ARHGAP6: variants seen among roughly 807,000 people sequenced by gnomAD.
The protein encoded by ARHGAP6 is Rho GTPase activating protein 6, also known as rho GTPase-activating protein 6.
In ARHGAP6, 16 loss-of-function variants were observed where a neutral mutation model predicts 55.7. The ratio of observed to expected loss-of-function variants is 0.29; its 90% CI spans 0.19 to 0.44. The LOEUF (loss-of-function observed/expected upper bound fraction) is 0.44. ARHGAP6 is among the 20% of genes least tolerant of loss of function. The pLI is 1.00. For synonymous variants in ARHGAP6, 382 were observed against 360.9 expected, an observed-to-expected ratio of 1.06 and a Z score of -0.66; for missense variants, 698 against 808.9, an observed-to-expected ratio of 0.86 and a Z score of 1.66.
chrX:11,404,927 T>A, intron 1 of ARHGAP6, among the ~76,000 whole-genome samples: 1 of 112,081 alleles, frequency 8.9e-6, no homozygotes, highest in Non-Finnish European at 1.9e-5. Context: ...CTTATAAGCA[T>A]AATTATAGGT....
intron 1 of ARHGAP6, among the ~76,000 whole-genome samples, chrX:11,381,218 G>A (rs1242741398): frequency 8.9e-6 from 1 of 112,522 alleles, no homozygotes; most frequent in African/African-American, 3.2e-5. Context: ...ACCTAGAAGG[G>A]TAAGTTTCCG....
At chrX:11,482,303 G>C in intron 1 of ARHGAP6, among the ~76,000 whole-genome samples, 1 of 112,236 alleles carries the variant, frequency 8.9e-6, no homozygotes, top group South Asian at 3.7e-4. Flanking sequence ...AAAGAGGAAT[G>C]GCACTAGAAG....
At chrX:11,607,722 T>C (rs1046976131) in intron 1 of ARHGAP6, among the ~76,000 whole-genome samples, 1 of 112,476 alleles carries the variant, frequency 8.9e-6, no homozygotes, top group East Asian at 2.8e-4. Flanking sequence ...AGTTATGCCA[T>C]GTATAAAAGT....
intron 1 of ARHGAP6, among the ~76,000 whole-genome samples, chrX:11,612,876 A>T (rs747332710): frequency 5.3e-5 from 6 of 112,519 alleles, no homozygotes; most frequent in Non-Finnish European, 1.1e-4. Context: ...CTCTTAAGTT[A>T]TCACTCCTTG....
chrX:11,487,727 G>C (rs780328462), intron 1 of ARHGAP6, among the ~76,000 whole-genome samples: 1 of 111,683 alleles, frequency 9.0e-6, no homozygotes, highest in African/African-American at 3.2e-5. Context: ...ATAAATGAAA[G>C]TAAAGGATTC....
At chrX:11,213,450 CAT>C (rs1230751628) in intron 2 of ARHGAP6, among the ~76,000 whole-genome samples, 3 of 112,446 alleles carry the variant, frequency 2.7e-5, no homozygotes, top group African/African-American at 3.2e-5. Context: ...CACCAGAACT[CAT>C]ATGTTTATCA....
intron 1 of ARHGAP6, among the ~76,000 whole-genome samples, chrX:11,571,709 A>AAATAATAATAATAAT (rs565943916): frequency 0.033 from 3,175 of 95,719 alleles, 52 homozygotes; most frequent in African/African-American, 0.038. Flanking sequence ...CTTGTATATT[A>AAATAATAATAATAAT]AATAATAATA....
At chrX:11,555,783 T>G (rs1206186152) in intron 1 of ARHGAP6, among the ~76,000 whole-genome samples, 1 of 110,524 alleles carries the variant, frequency 9.0e-6, no homozygotes, top group Non-Finnish European at 1.9e-5. Flanking sequence ...ACAGTGATAT[T>G]TGGGGGAAAG....
chrX:11,598,859 C>A (rs1225999510), intron 1 of ARHGAP6, among the ~76,000 whole-genome samples: 1 of 111,176 alleles, frequency 9.0e-6, no homozygotes. Context: ...GAGTTTGAGA[C>A]CAGTCTGGGC....
chrX:11,408,304 A>G (rs1310808324), intron 1 of ARHGAP6, among the ~76,000 whole-genome samples: 1 of 111,135 alleles, frequency 9.0e-6, no homozygotes, highest in African/African-American at 3.3e-5. Context: ...CAATGCATAC[A>G]GTGTGGCAAA....
chrX:11,245,900 G>A (rs915322399), intron 2 of ARHGAP6, among the ~76,000 whole-genome samples: 1 of 111,800 alleles, frequency 8.9e-6, no homozygotes, highest in African/African-American at 3.2e-5. Context: ...AAACTAAATG[G>A]ATTTCTTCTT....
At chrX:11,608,031 T>C (rs2052056156) in intron 1 of ARHGAP6, among the ~76,000 whole-genome samples, 1 of 112,514 alleles carries the variant, frequency 8.9e-6, no homozygotes, top group Non-Finnish European at 1.9e-5. Flanking sequence ...AAGAATGTTT[T>C]GTCCTTACTG....
chrX:11,206,431 AT>A (rs1052930023), intron 2 of ARHGAP6, among the ~76,000 whole-genome samples: 1 of 111,572 alleles, frequency 9.0e-6, no homozygotes, highest in African/African-American at 3.3e-5. Flanking sequence ...CAGTTTTTAA[AT>A]TACATTTCTT....
chrX:11,608,297 A>G (rs1277377063), intron 1 of ARHGAP6, among the ~76,000 whole-genome samples: 1 of 112,124 alleles, frequency 8.9e-6, no homozygotes, highest in Non-Finnish European at 1.9e-5. Flanking sequence ...TTAGTGTTCA[A>G]AATATAAAAA....
intron 3 of ARHGAP6, among the ~76,000 whole-genome samples, chrX:11,189,337 T>G (rs1248620927): frequency 8.9e-6 from 1 of 111,972 alleles, no homozygotes; most frequent in South Asian, 3.7e-4. Flanking sequence ...TCCTTTCTCC[T>G]GAGGTGTTCA....
chrX:11,624,764 G>T lies in ARHGAP6; in HGVS notation c.588+39477C>A, dbSNP rs747604751. ...GACGGGGTTTCACCGCGTTAGCCAG[G>T]ATGGTCTCGATCTCCTGACCTCGTG... On this transcript the variant is annotated intron_variant, in intron 1 of 12. Coordinates refer to ENST00000337414, the MANE Select transcript of ARHGAP6 (RefSeq NM_013427.3). 5.1e-3 allele frequency among the ~76,000 whole-genome samples: 570 copies of T among 110,983 alleles called. 1 individual carries two copies. The highest frequency in any genetic ancestry group is 9.2e-3 in the Non-Finnish European group (484 of 52,866).
At chrX:11,416,893 A>G (rs2049754366) in intron 1 of ARHGAP6, among the ~76,000 whole-genome samples, 1 of 107,822 alleles carries the variant, frequency 9.3e-6, no homozygotes, top group African/African-American at 3.4e-5. Flanking sequence ...TAGAACAGCC[A>G]TGCAAAGAGG....
In ARHGAP6 at chrX:11,447,511, T is replaced by C. The variant is rs781501394; in HGVS notation, c.589-192804A>G. On this transcript the variant is annotated intron_variant, in intron 1 of 12. Transcript: ENST00000337414. ...TTGGAACACAGCCACAACTCATTCA[T>C]GTATTGTATGTTTGCTTTAAGGTTA... Among the ~76,000 whole-genome samples the C allele has an allele frequency of 8.9e-5, 10 of 112,268 alleles. No individual in the cohort carries two copies. The South Asian group carries it at 3.3e-3, about 37-fold the overall frequency.
chrX:11,174,573 C>CCTTTT (rs2046151893), intron 8 of ARHGAP6, among the ~76,000 whole-genome samples: 2 of 42,287 alleles, frequency 4.7e-5, no homozygotes, highest in Admixed American at 5.9e-4. Context: ...TTCCTTCCTT[C>CCTTTT]CTTTCTTTCT....
Sources: allele counts gnomAD v4.1 joint callset (sites outside exome capture counted in the v4.1 genomes callset), GRCh38; gene constraint gnomAD v4.1.1; transcripts MANE v1.5; gene names NCBI Gene and HGNC (gene_info 2026-07-23, HGNC 2026-07-21).